ELFN1: variants seen among roughly 807,000 people sequenced by gnomAD.
The protein encoded by ELFN1 is extracellular leucine rich repeat and fibronectin type III domain containing 1, also known as protein ELFN1.
Under a neutral mutation model 7.6 loss-of-function variants are expected in ELFN1, and 6 were observed. That is an observed-to-expected ratio of 0.79 (90% CI 0.43 to 1.56). The LOEUF (loss-of-function observed/expected upper bound fraction) is 1.56. Ranked by LOEUF, ELFN1 falls within the 40% of genes most tolerant of loss-of-function variation. ELFN1 has a pLI of 0.01. For synonymous variants in ELFN1, 657 were observed against 588.1 expected, an observed-to-expected ratio of 1.12 and a Z score of -1.70; for missense variants, 1,169 against 1,232.2, an observed-to-expected ratio of 0.95 and a Z score of 0.77.
At chr7:1,736,579 C>T (rs912970287) in intron 3 of ELFN1, among the ~76,000 whole-genome samples, 2 of 152,238 alleles carry the variant, frequency 1.3e-5, no homozygotes, top group East Asian at 1.9e-4. Context: ...GCACTGTCCC[C>T]ATCGTCCCCT....
intron 3 of ELFN1, among the ~76,000 whole-genome samples, chr7:1,717,780 G>A (rs1201725297): frequency 2.0e-5 from 3 of 152,162 alleles, no homozygotes; most frequent in African/African-American, 4.8e-5. Context: ...GGGATGGCCA[G>A]GGTGGGGCTG....
rs145025537 is a variant in ELFN1, at chr7:1,709,131, G to A, written c.-415G>A. 121 of 152,334 alleles carry A rather than the reference G, an allele frequency of 7.9e-4. No homozygotes were observed. Among genetic ancestry groups the A allele is most frequent in the African/African-American group, 2.7e-3 (111 of 41,538 alleles). The allele number at this position is 152,334 out of a possible 1,614,324, so 9.4% of individuals were successfully genotyped here. ...CGACCATTTGTCCTACAGTTTGTCC[G>A]GACCCAGGCTGTCCTTCTGTGTGCT... On this transcript the variant is annotated 5_prime_UTR_variant, in exon 3 of 4. Transcript: ENST00000424383.
At chr7:1,678,499 A>G (rs947499728) in intron 1 of ELFN1, among the ~76,000 whole-genome samples, 2 of 152,154 alleles carry the variant, frequency 1.3e-5, no homozygotes, top group African/African-American at 2.4e-5. Context: ...GGGAAGTAAC[A>G]TGGTCCAGGC....
At chr7:1,703,907 G>T (rs572520028) in intron 2 of ELFN1, among the ~76,000 whole-genome samples, 1 of 152,322 alleles carries the variant, frequency 6.6e-6, no homozygotes, top group African/African-American at 2.4e-5. Context: ...GGCTGTCGCC[G>T]GACTGTGTGC....
At chr7:1,685,410 T>C (rs1483587231) in intron 1 of ELFN1, among the ~76,000 whole-genome samples, 11 of 152,198 alleles carry the variant, frequency 7.2e-5, no homozygotes, top group Admixed American at 7.2e-4. Flanking sequence ...TGTCTTTCTC[T>C]CTCTCCTGTT....
chr7:1,676,987 C>T (rs1041428616), intron 1 of ELFN1, among the ~76,000 whole-genome samples: 1 of 152,140 alleles, frequency 6.6e-6, no homozygotes, highest in Admixed American at 6.5e-5. Flanking sequence ...AGGGGACTGC[C>T]GACGTCTGAA....
intron 2 of ELFN1, among the ~76,000 whole-genome samples, chr7:1,707,655 G>A (rs1279284078): frequency 6.6e-6 from 1 of 152,174 alleles, no homozygotes; most frequent in Admixed American, 6.5e-5. Flanking sequence ...TTCCAACACA[G>A]GTTCAACCTC....
intron 3 of ELFN1, among the ~76,000 whole-genome samples, chr7:1,726,377 C>A (rs1780197461): frequency 6.6e-6 from 1 of 152,232 alleles, no homozygotes. Flanking sequence ...ATGAGAAGAT[C>A]TATTTATAGC....
chr7:1,671,144 G>A lies in ELFN1; in HGVS notation c.-549+790G>A, dbSNP rs1196489421. On this transcript the variant is annotated intron_variant, in intron 1 of 3. Coordinates refer to ENST00000424383, the MANE Select transcript of ELFN1 (RefSeq NM_001128636.4). ...TGCTTGATGCTGAGGGTGGGGCGGG[G>A]GGCACTGCCTGCCGTACCGCACACC... Among the ~76,000 whole-genome samples, 5 of 150,810 alleles carry A rather than the reference G, an allele frequency of 3.3e-5. No individual in the cohort carries two copies. The East Asian group carries it at 6.1e-4, about 19-fold the overall frequency.
intron 3 of ELFN1, among the ~76,000 whole-genome samples, chr7:1,721,298 A>G (rs1186748308): frequency 4.6e-5 from 7 of 152,210 alleles, no homozygotes; most frequent in Non-Finnish European, 1.0e-4. Context: ...TTGGAGAGGG[A>G]TGACCTCACT....
chr7:1,702,420 CG>C (rs201247307), intron 2 of ELFN1, among the ~76,000 whole-genome samples: 22 of 146,432 alleles, frequency 1.5e-4, no homozygotes, highest in African/African-American at 3.8e-4. Context: ...GAGACTCCGT[CG>C]GGGGGGAAAA....
intron 3 of ELFN1, among the ~76,000 whole-genome samples, chr7:1,711,415 AGGAGG>A (rs1015976473): frequency 4.6e-5 from 7 of 151,594 alleles, no homozygotes; most frequent in African/African-American, 1.7e-4. Flanking sequence ...CAGAGGCCAG[AGGAGG>A]GGAGGGGAGG....
At chr7:1,723,878 G>C (rs1271774572) in intron 3 of ELFN1, among the ~76,000 whole-genome samples, 1 of 152,236 alleles carries the variant, frequency 6.6e-6, no homozygotes, top group Non-Finnish European at 1.5e-5. Flanking sequence ...CCTGCCCTCA[G>C]CCAGACACCC....
In ELFN1 at chr7:1,695,804, C is replaced by T. The variant is rs1452865408; in HGVS notation, c.-456+7654C>T. Reference sequence around the variant, plus strand: ...TGGTTTGGTTTCACTGACTCCCATTCATTTATTCACAAACATTTACTCAGC... The same window carrying T: ...TGGTTTGGTTTCACTGACTCCCATTTATTTATTCACAAACATTTACTCAGC... On this transcript the variant is annotated intron_variant, in intron 2 of 3. Coordinates refer to ENST00000424383, the MANE Select transcript of ELFN1 (RefSeq NM_001128636.4). This position sits in a 1 kb window ranked among gnomAD's most constrained non-coding sequence, Gnocchi z 5.1. 1.3e-5 allele frequency among the ~76,000 whole-genome samples: 2 copies of T among 148,392 alleles called. No homozygotes were observed. Among genetic ancestry groups the T allele is most frequent in the African/African-American group, 2.5e-5 (1 of 40,268 alleles).
chr7:1,667,223 G>A (rs1778685236), upstream of ELFN1, among the ~76,000 whole-genome samples: 3 of 151,812 alleles, frequency 2.0e-5, no homozygotes, highest in Non-Finnish European at 2.9e-5. The surrounding 1 kb of genome is among the most constrained non-coding windows in gnomAD (Gnocchi z 8.2). Flanking sequence ...ATTCCCGACC[G>A]AGTCCTCCGC....
intron 2 of ELFN1, chr7:1,693,466 G>C (rs4720922): frequency 4.2e-6 from 2 of 471,072 alleles, no homozygotes; most frequent in East Asian, 7.0e-5. Context: ...GGTGCACCCA[G>C]ACAGGTGCGT....
Position 1,744,538 on chromosome 7 carries a change from G to A in ELFN1, c.-59G>A, listed in dbSNP as rs1780719538. 6 of 1,431,610 alleles carry A rather than the reference G, an allele frequency of 4.2e-6. No homozygotes were observed. In the South Asian group the frequency reaches 9.0e-5, roughly 22 times the overall value. The allele number at this position is 1,431,610 out of a possible 1,614,324, so 88.7% of individuals were successfully genotyped here. The stretch of plus-strand genomic sequence containing the variant: ...TCCATCCCTCTGGGGGCTGGCGCCT[G>A]GCCCCCCACCTGGTCCCCCTGGGCA... On this transcript the variant is annotated 5_prime_UTR_variant, in exon 4 of 4. Coordinates refer to ENST00000424383, the MANE Select transcript of ELFN1 (RefSeq NM_001128636.4).
chr7:1,668,254 C>A (rs930557032), upstream of ELFN1, among the ~76,000 whole-genome samples: 4 of 152,256 alleles, frequency 2.6e-5, no homozygotes, highest in African/African-American at 9.6e-5. Context: ...TCAGTTTGCA[C>A]CCCGAGGAAA....
chr7:1,675,654 G>A (rs996518847), intron 1 of ELFN1, among the ~76,000 whole-genome samples: 3 of 152,358 alleles, frequency 2.0e-5, no homozygotes, highest in Admixed American at 6.5e-5. Flanking sequence ...TGGGGGGGCC[G>A]TCGGGGGGCT....
Sources: gnomAD v4.1 joint callset for allele counts (sites outside exome capture counted in the v4.1 genomes callset) on GRCh38, gnomAD v4.1.1 for gene constraint, Gnocchi (gnomAD v3.1) non-coding constraint, MANE v1.5 for transcripts, NCBI Gene and HGNC (gene_info 2026-07-23, HGNC 2026-07-21) for gene names.